Variants in HEATR5B observed in about 807,000 individuals in gnomAD.
The protein encoded by HEATR5B is HEAT repeat-containing protein 5B.
Under a neutral mutation model 224.1 loss-of-function variants are expected in HEATR5B, and 156 were observed. The ratio of observed to expected loss-of-function variants is 0.70; its 90% CI spans 0.61 to 0.80. HEATR5B has a LOEUF of 0.80. HEATR5B is among the 30% of genes least tolerant of loss of function. The pLI is 0.00. For synonymous variants in HEATR5B, 1,027 were observed against 893.0 expected (o/e 1.15, Z -2.68); for missense variants, 2,323 against 2,535.5 (o/e 0.92, Z 1.80).
intron 26 of HEATR5B, among the ~76,000 whole-genome samples, chr2:37,015,582 G>C (rs1019694396): frequency 6.6e-6 from 1 of 152,218 alleles, no homozygotes; most frequent in African/African-American, 2.4e-5. Flanking sequence ...ATTTCTAAAT[G>C]CTGATTGTTG....
chr2:36,988,946 A>G (rs1558693444), intron 34 of HEATR5B, 87 bp from the exon 35 acceptor site: 2 of 970,482 alleles, frequency 2.1e-6, no homozygotes, highest in Non-Finnish European at 1.6e-6. Flanking sequence ...TGTACTGAAA[A>G]TAAGTGATAC....
intron 24 of HEATR5B, among the ~76,000 whole-genome samples, chr2:37,025,322 A>G (rs905539772): frequency 6.6e-6 from 1 of 152,174 alleles, no homozygotes; most frequent in Admixed American, 6.5e-5. Context: ...AGAAAATTCC[A>G]AATACGGAGA....
At chr2:36,991,674 A>G (rs1408682502) in intron 33 of HEATR5B, among the ~76,000 whole-genome samples, 2 of 152,210 alleles carry the variant, frequency 1.3e-5, no homozygotes, top group African/African-American at 4.8e-5. Context: ...TTCTGAACAT[A>G]TAAAATACGA....
At chr2:37,066,793 GCATT>G (rs1381611845) in intron 8 of HEATR5B, among the ~76,000 whole-genome samples, 1 of 151,800 alleles carries the variant, frequency 6.6e-6, no homozygotes, top group Non-Finnish European at 1.5e-5. Context: ...TTTCTTTTTT[GCATT>G]CATTATTAAT....
intron 18 of HEATR5B, among the ~76,000 whole-genome samples, chr2:37,042,148 G>A (rs995708071): frequency 1.3e-5 from 2 of 151,620 alleles, no homozygotes; most frequent in Non-Finnish European, 1.5e-5. Flanking sequence ...CCAACTTTAG[G>A]TATACAATTA....
intron 22 of HEATR5B, among the ~76,000 whole-genome samples, chr2:37,029,936 A>AAATAAATAAAT (rs1669017617): frequency 2.8e-5 from 4 of 142,466 alleles, no homozygotes; most frequent in African/African-American, 1.1e-4. Context: ...TCTATCTCAA[A>AAATAAATAAAT]AAATAAATAA....
chr2:37,025,011 G>A (rs1473386113), intron 24 of HEATR5B, among the ~76,000 whole-genome samples: 1 of 152,182 alleles, frequency 6.6e-6, no homozygotes, highest in Non-Finnish European at 1.5e-5. Context: ...ATTATATTTG[G>A]GGAGTAGTAA....
At chr2:37,061,864 C>T (rs1558362261) in intron 11 of HEATR5B, 75 bp downstream of exon 11, 5 of 828,598 alleles carry the variant, frequency 6.0e-6, no homozygotes, top group South Asian at 4.8e-5. Context: ...AAGCTTAACA[C>T]TTTTAAATTA....
rs1340046930 is a variant in HEATR5B, at chr2:37,068,880, G to A, written c.978C>T (p.Ser326=). The A allele has an allele frequency of 3.1e-6, 5 of 1,614,028 alleles. No homozygotes were observed. Among genetic ancestry groups the A allele is most frequent in the Non-Finnish European group, 4.2e-6 (5 of 1,180,014 alleles). Residue 326 remains serine, a synonymous_variant, in exon 8 of 36, where the codon AGC becomes AGT. Coordinates refer to ENST00000233099, the MANE Select transcript of HEATR5B (RefSeq NM_019024.3). Reference sequence around the variant, plus strand: ...GTACATGGGACAGGAACGTGGCAAAGCTGCGCTCCAACCACTGACCACCCA... The same window carrying A: ...GTACATGGGACAGGAACGTGGCAAAACTGCGCTCCAACCACTGACCACCCA... ...TTLGGQWLER[S]FATFLSHVLD...
chr2:37,017,601 G>A (rs760942564), intron 26 of HEATR5B, among the ~76,000 whole-genome samples: 6 of 147,816 alleles, frequency 4.1e-5, no homozygotes, highest in African/African-American at 7.5e-5. Context: ...CAGGAGAATC[G>A]CTTGAACCTG....
At chr2:36,989,614 C>A (rs973086473) in intron 34 of HEATR5B, among the ~76,000 whole-genome samples, 6 of 151,984 alleles carry the variant, frequency 3.9e-5, no homozygotes, top group Non-Finnish European at 8.8e-5. Context: ...GGTTTCCAGA[C>A]CTAGAAAATA....
intron 8 of HEATR5B, 77 bp from the exon 9 acceptor site, chr2:37,065,987 A>T (rs941771778): frequency 5.6e-5 from 73 of 1,306,234 alleles, no homozygotes; most frequent in Non-Finnish European, 7.5e-5. Context: ...ACAATTTATG[A>T]TTTTAGCCAT....
intron 6 of HEATR5B, among the ~76,000 whole-genome samples, chr2:37,071,071 T>C (rs116611895): frequency 0.014 from 2,135 of 152,278 alleles, 58 homozygotes; most frequent in African/African-American, 0.049. Flanking sequence ...TTTATGAGGA[T>C]TAAATTTTGT....
rs199825218 is a variant in HEATR5B at position 37,062,070 on chromosome 2, T to A, written c.1585-20A>T. The stretch of plus-strand genomic sequence containing the variant: ...TACCATCTGCAAGAAAAGTTTAGAA[T>A]TGGATTTTAATTCAAACAAGTTAAA... On this transcript the variant is annotated intron_variant, in intron 10 of 35. Transcript: ENST00000233099. 5 of 1,392,372 alleles carry A rather than the reference T, an allele frequency of 3.6e-6. No homozygotes were observed. The African/African-American group carries it at 5.7e-5, about 16-fold the overall frequency. The allele number at this position is 1,392,372 out of a possible 1,614,324, so 86.3% of individuals were successfully genotyped here.
chr2:37,014,104 A>C (rs1273701670), intron 26 of HEATR5B, 84 bp from the exon 27 acceptor site: 1 of 710,388 alleles, frequency 1.4e-6, no homozygotes, highest in Non-Finnish European at 2.2e-6. Context: ...TTTTCCTAGA[A>C]GATAAAACAC....
chr2:37,079,482 G>T (rs1245548822), intron 2 of HEATR5B, 151 bp from the exon 3 acceptor site: 1 of 514,706 alleles, frequency 1.9e-6, no homozygotes, highest in African/African-American at 2.0e-5. Context: ...TCAAGTTAAT[G>T]AAAAGTTCTG....
intron 2 of HEATR5B, among the ~76,000 whole-genome samples, chr2:37,082,729 G>A (rs774841055): frequency 6.6e-6 from 1 of 152,208 alleles, no homozygotes; most frequent in Non-Finnish European, 1.5e-5. Context: ...TTAATGGCTG[G>A]CTTGCTGTTA....
intron 35 of HEATR5B, among the ~76,000 whole-genome samples, chr2:36,987,417 T>C (rs1454574976): frequency 7.4e-6 from 1 of 135,112 alleles, no homozygotes; most frequent in Admixed American, 7.0e-5. Context: ...CAAGACTTTG[T>C]TTCAAAAAAA....
intron 16 of HEATR5B, among the ~76,000 whole-genome samples, chr2:37,054,749 C>G (rs945672881): frequency 2.0e-5 from 3 of 152,096 alleles, no homozygotes; most frequent in South Asian, 2.1e-4. Context: ...TCCCGAAGTG[C>G]TGGGATAACA....
Sources: allele counts gnomAD v4.1 joint callset (sites outside exome capture counted in the v4.1 genomes callset), GRCh38; gene constraint gnomAD v4.1.1; transcripts MANE v1.5; gene names NCBI Gene and HGNC (gene_info 2026-07-23, HGNC 2026-07-21).